The following TRPC4AP variants were observed in gnomAD, a reference collection of about 807,000 sequenced individuals.
The protein encoded by TRPC4AP is transient receptor potential cation channel subfamily C member 4 associated protein.
A neutral mutation model predicts 99.0 loss-of-function variants in TRPC4AP; 45 were observed. The ratio of observed to expected loss-of-function variants is 0.45; its 90% CI spans 0.36 to 0.58. The LOEUF (loss-of-function observed/expected upper bound fraction) is 0.58, where lower values mean the gene tolerates loss of function less well. Among genes scored for constraint, TRPC4AP ranks in the 20% least tolerant of loss-of-function variants. TRPC4AP has a pLI of 0.00. For synonymous variants in TRPC4AP, 408 were observed against 385.8 expected (o/e 1.06, Z -0.67); for missense variants, 879 against 985.3 (o/e 0.89, Z 1.44).
At chr20:35,069,866 C>T (rs1293228111) in intron 2 of TRPC4AP, among the ~76,000 whole-genome samples, 3 of 152,064 alleles carry the variant, frequency 2.0e-5, no homozygotes, top group South Asian at 2.1e-4. Context: ...ACTTGAGCCA[C>T]GGAGGCAGAC....
chr20:35,057,598 C>A (rs1331108590), intron 3 of TRPC4AP, 27 bp from the exon 4 acceptor site: 1 of 1,554,866 alleles, frequency 6.4e-7, no homozygotes, highest in Non-Finnish European at 8.9e-7. Context: ...ATAAAATCTT[C>A]AAAATTAATT....
intron 7 of TRPC4AP, among the ~76,000 whole-genome samples, chr20:35,043,869 A>G (rs2083496822): frequency 6.6e-6 from 1 of 152,188 alleles, no homozygotes; most frequent in Non-Finnish European, 1.5e-5. Flanking sequence ...ACAAGAGGAG[A>G]TTAGTGTCTA....
chr20:35,040,088 C>T (rs1023652273), intron 7 of TRPC4AP, among the ~76,000 whole-genome samples: 14 of 151,932 alleles, frequency 9.2e-5, no homozygotes, highest in East Asian at 3.9e-4. Flanking sequence ...CCCCACCCCC[C>T]GCGCCCCCAC....
At chr20:35,063,198 G>A (rs1325776526) in intron 3 of TRPC4AP, among the ~76,000 whole-genome samples, 1 of 152,220 alleles carries the variant, frequency 6.6e-6, no homozygotes, top group African/African-American at 2.4e-5. Flanking sequence ...TGAAGAAGGT[G>A]CCTGCTTCTC....
intron 7 of TRPC4AP, among the ~76,000 whole-genome samples, chr20:35,038,441 A>G (rs2083373597): frequency 6.6e-6 from 1 of 152,164 alleles, no homozygotes; most frequent in Admixed American, 6.5e-5. Flanking sequence ...GACTAATTAA[A>G]TTACAGTATG....
chr20:35,081,383 A>G (rs890425219), intron 1 of TRPC4AP, among the ~76,000 whole-genome samples: 1 of 151,688 alleles, frequency 6.6e-6, no homozygotes, highest in African/African-American at 2.4e-5. Flanking sequence ...GCATGGCAGC[A>G]TGTGCCTGTA....
chr20:35,091,082 C>T (rs1394500131), intron 1 of TRPC4AP, among the ~76,000 whole-genome samples: 1 of 150,804 alleles, frequency 6.6e-6, no homozygotes, highest in African/African-American at 2.4e-5. Context: ...GGGTCTCACT[C>T]TGTCAATCTC....
intron 6 of TRPC4AP, among the ~76,000 whole-genome samples, chr20:35,049,512 C>T (rs1312175642): frequency 1.3e-5 from 2 of 152,134 alleles, no homozygotes; most frequent in Non-Finnish European, 2.9e-5. Flanking sequence ...AATGGAGTCA[C>T]TGCATAGCAT....
At chr20:35,078,268 G>A in intron 1 of TRPC4AP, 94 bp from the exon 2 acceptor site, 4 of 1,350,006 alleles carry the variant, frequency 3.0e-6, no homozygotes, top group East Asian at 2.4e-5. Flanking sequence ...AACCCACCCA[G>A]GACAGTTACA....
intron 5 of TRPC4AP, 62 bp from the exon 6 acceptor site, chr20:35,050,056 G>A: frequency 6.4e-7 from 1 of 1,562,758 alleles, no homozygotes; most frequent in South Asian, 1.2e-5. Flanking sequence ...AAAGTACAAG[G>A]CATCCTTTAC....
chr20:35,054,202 T>TA (rs397782031), intron 5 of TRPC4AP, among the ~76,000 whole-genome samples: 16 of 151,892 alleles, frequency 1.1e-4, no homozygotes, highest in Non-Finnish European at 1.6e-4. Context: ...TTTTTTTTTT[T>TA]ATTTCCACAG....
intron 7 of TRPC4AP, among the ~76,000 whole-genome samples, chr20:35,041,635 A>G (rs1323656128): frequency 6.6e-6 from 1 of 152,368 alleles, no homozygotes; most frequent in East Asian, 1.9e-4. Context: ...TCATTCCTCA[A>G]GAATAATGGG....
chr20:35,076,413 T>C (rs1199084068), intron 2 of TRPC4AP, among the ~76,000 whole-genome samples: 7 of 152,208 alleles, frequency 4.6e-5, no homozygotes, highest in Non-Finnish European at 8.8e-5. Context: ...CTTTGGTCTT[T>C]GATGATGGTG....
intron 8 of TRPC4AP, among the ~76,000 whole-genome samples, chr20:35,027,148 G>T (rs2083051052): frequency 6.6e-6 from 1 of 152,138 alleles, no homozygotes; most frequent in South Asian, 2.1e-4. Flanking sequence ...CCTGATCTTA[G>T]TGGTAGAAGC....
chr20:35,047,195 A>G (rs937103900), intron 6 of TRPC4AP, among the ~76,000 whole-genome samples: 2 of 152,112 alleles, frequency 1.3e-5, no homozygotes, highest in Non-Finnish European at 1.5e-5. Flanking sequence ...TTAATTTTTG[A>G]TATGTACAAT....
At chr20:35,054,129 C>T (rs2083768206) in intron 5 of TRPC4AP, among the ~76,000 whole-genome samples, 1 of 151,980 alleles carries the variant, frequency 6.6e-6, no homozygotes, top group Admixed American at 6.6e-5. Flanking sequence ...ATTTTGCATA[C>T]ACCCACAAGA....
chr20:35,067,667 C>A (rs1343175065), intron 3 of TRPC4AP, among the ~76,000 whole-genome samples: 1 of 152,210 alleles, frequency 6.6e-6, no homozygotes, highest in Non-Finnish European at 1.5e-5. Context: ...TGTGAAACAT[C>A]ATTTGACCAT....
At chr20:35,034,419 A>G (rs2083270497) in intron 8 of TRPC4AP, among the ~76,000 whole-genome samples, 1 of 152,128 alleles carries the variant, frequency 6.6e-6, no homozygotes, top group Non-Finnish European at 1.5e-5. Context: ...TATGTGGGAT[A>G]GAGCTTCCAC....
intron 4 of TRPC4AP, among the ~76,000 whole-genome samples, chr20:35,056,033 C>T (rs2083818121): frequency 6.6e-6 from 1 of 152,130 alleles, no homozygotes; most frequent in Non-Finnish European, 1.5e-5. Flanking sequence ...GCTAGGAATG[C>T]TAAAATGCTA....
Sources: gnomAD v4.1 joint callset for allele counts (sites outside exome capture counted in the v4.1 genomes callset) on GRCh38, gnomAD v4.1.1 for gene constraint, MANE v1.5 for transcripts, NCBI Gene and HGNC (gene_info 2026-07-23, HGNC 2026-07-21) for gene names.